ARMC9: variants seen among roughly 807,000 people sequenced by gnomAD.
ARMC9 encodes armadillo repeat containing 9, also known as lisH domain-containing protein ARMC9.
ARMC9 carries 94 observed loss-of-function variants against 107.0 expected under a neutral mutation model. That is an observed-to-expected ratio of 0.88 (90% CI 0.74 to 1.04). ARMC9 has a LOEUF of 1.04. ARMC9 is among the 50% of genes least tolerant of loss of function. The probability of loss-of-function intolerance (pLI) is 0.00; values close to 1 mark genes in which losing one functional copy is unlikely to be tolerated. For missense variants in ARMC9, 942 were observed against 1,030.1 expected, an observed-to-expected ratio of 0.91 and a Z score of 1.17; for synonymous variants, 380 against 396.9, an observed-to-expected ratio of 0.96 and a Z score of 0.51.
intron 6 of ARMC9, among the ~76,000 whole-genome samples, chr2:231,225,898 C>T (rs1352440489): frequency 1.3e-5 from 2 of 152,152 alleles, no homozygotes; most frequent in African/African-American, 4.8e-5. Flanking sequence ...CTCTTGTCAC[C>T]CATGCTGGAG....
At chr2:231,256,720 G>A in intron 10 of ARMC9, 100 bp downstream of exon 10, 1 of 1,298,696 alleles carries the variant, frequency 7.7e-7, no homozygotes, top group South Asian at 1.2e-5. Context: ...CTAGGTTAGA[G>A]GAATGCCTTT....
At chr2:231,324,981 T>A (rs1313097672) in intron 19 of ARMC9, among the ~76,000 whole-genome samples, 2 of 152,078 alleles carry the variant, frequency 1.3e-5, no homozygotes, top group African/African-American at 2.4e-5. Context: ...CCCAGCACTT[T>A]GAGAGTCCGA....
At chr2:231,224,656 G>C (rs998282470) in intron 6 of ARMC9, among the ~76,000 whole-genome samples, 4 of 152,142 alleles carry the variant, frequency 2.6e-5, no homozygotes, top group African/African-American at 9.7e-5. Context: ...AATATAGCAG[G>C]TAACTATAAA....
chr2:231,246,449 T>C (rs1449316302), intron 9 of ARMC9, among the ~76,000 whole-genome samples: 1 of 152,102 alleles, frequency 6.6e-6, no homozygotes, highest in Non-Finnish European at 1.5e-5. Context: ...AGTAAGAGCG[T>C]GTGGTGTTAG....
At chr2:231,240,419 A>G (rs2125372761) in intron 9 of ARMC9, among the ~76,000 whole-genome samples, 1 of 152,318 alleles carries the variant, frequency 6.6e-6, no homozygotes, top group African/African-American at 2.4e-5. Context: ...ACTTGGAATA[A>G]TTGCAAAACT....
At chr2:231,330,434 G>C (rs551062478) in intron 19 of ARMC9, among the ~76,000 whole-genome samples, 1 of 152,092 alleles carries the variant, frequency 6.6e-6, no homozygotes, top group African/African-American at 2.4e-5. Flanking sequence ...AGAGTGCCCC[G>C]TCACTCACTG....
rs763779078 is a variant in ARMC9 at position 231,222,783 on chromosome 2, C to T, written c.560C>T (p.Ser187Phe). The change falls in exon 6 of 25, where the codon TCT (serine) becomes TTT (phenylalanine). Residue 187 changes from serine to phenylalanine, a missense_variant. Coordinates refer to ENST00000611582, the MANE Select transcript of ARMC9 (RefSeq NM_001352754.2). ...LKLIKFLALI[S>F]KASNTPKLLT... is the part of the protein sequence containing the mutation. ...TTGATAAAGTTTCTAGCTTTAATAT[C>T]TAAAGCCAGCAACACGCCAAAGCTT... The T allele has an allele frequency of 1.3e-6, 2 of 1,594,260 alleles. No individual in the cohort carries two copies. Among genetic ancestry groups the T allele is most frequent in the Admixed American group, 1.7e-5 (1 of 59,516 alleles).
chr2:231,247,951 A>G (rs1346737305), intron 9 of ARMC9, among the ~76,000 whole-genome samples: 1 of 152,194 alleles, frequency 6.6e-6, no homozygotes, highest in African/African-American at 2.4e-5. Flanking sequence ...GCACCTTTGT[A>G]TTAATATCTC....
intron 1 of ARMC9, among the ~76,000 whole-genome samples, chr2:231,203,979 A>AAAG: frequency 6.6e-6 from 1 of 151,996 alleles, no homozygotes; most frequent in East Asian, 1.9e-4. Context: ...ACAAACAAAA[A>AAAG]AAAACCTCAC....
At chr2:231,216,288 A>G (rs1026624408) in intron 4 of ARMC9, among the ~76,000 whole-genome samples, 1 of 152,248 alleles carries the variant, frequency 6.6e-6, no homozygotes, top group Non-Finnish European at 1.5e-5. Flanking sequence ...CAATGTGTCT[A>G]GGTAATAATG....
At chr2:231,289,938 A>G (rs1028676100) in intron 17 of ARMC9, among the ~76,000 whole-genome samples, 1 of 152,078 alleles carries the variant, frequency 6.6e-6, no homozygotes, top group South Asian at 2.1e-4. Flanking sequence ...ACGAACCCCT[A>G]CTGGACACAG....
chr2:231,273,149 A>T (rs1333508660), intron 14 of ARMC9, 71 bp downstream of exon 14: 1 of 1,549,008 alleles, frequency 6.5e-7, no homozygotes, highest in Non-Finnish European at 8.7e-7. Context: ...ATGGCAACCC[A>T]GGAGGCAGAT....
At chr2:231,237,436 A>C (rs759496065) in intron 8 of ARMC9, among the ~76,000 whole-genome samples, 3 of 152,152 alleles carry the variant, frequency 2.0e-5, no homozygotes, top group Non-Finnish European at 2.9e-5. Flanking sequence ...TAACAAAAAA[A>C]TGTTGCAGTG....
chr2:231,296,195 TAG>T lies in ARMC9; in HGVS notation c.1718-1_1718del. The T allele has an allele frequency of 6.2e-7, 1 of 1,611,186 alleles. No individual in the cohort carries two copies. Among genetic ancestry groups the T allele is most frequent in the Non-Finnish European group, 8.5e-7 (1 of 1,178,148 alleles). On this transcript the variant is annotated splice_acceptor_variant, in intron 18 of 24. Transcript: ENST00000611582. LOFTEE classifies it high-confidence loss of function. ...TATTCATTGATTCTTTTTTTCTTTATAGAAGAGCTACCAGATGGTGTTCTTGA... is the reference window on the plus strand; with the variant it reads ...TATTCATTGATTCTTTTTTTCTTTATAAGAGCTACCAGATGGTGTTCTTGA...
intron 21 of ARMC9, among the ~76,000 whole-genome samples, chr2:231,347,762 T>A (rs2044873337): frequency 6.6e-6 from 1 of 152,236 alleles, no homozygotes; most frequent in Non-Finnish European, 1.5e-5. Flanking sequence ...TCCAGTTGCC[T>A]GTTGCCACAC....
chr2:231,337,028 C>T (rs943617851), intron 20 of ARMC9, among the ~76,000 whole-genome samples: 18 of 152,278 alleles, frequency 1.2e-4, no homozygotes, highest in African/African-American at 4.3e-4. Context: ...TGGCTTGCAG[C>T]GGGCCCTGAG....
rs562308366 is a variant in ARMC9 at position 231,300,568 on chromosome 2, T to A, written c.1773+4315T>A. ...TCATCTCCTCTTCTTAGCAGCCCTG[T>A]GGTAGGTGCTATTTTTATTCACATT... On this transcript the variant is annotated intron_variant, in intron 19 of 24. Transcript: ENST00000611582. Among the ~76,000 whole-genome samples, 14 of 152,282 alleles carry A rather than the reference T, an allele frequency of 9.2e-5. 1 individual carries two copies. In the East Asian group the frequency reaches 2.7e-3, roughly 29 times the overall value.
At chr2:231,221,025 C>T (rs1341415235) in intron 5 of ARMC9, among the ~76,000 whole-genome samples, 3 of 152,098 alleles carry the variant, frequency 2.0e-5, no homozygotes, top group Non-Finnish European at 4.4e-5. Context: ...GGGTGATTTC[C>T]CTAGGGCTGC....
intron 19 of ARMC9, among the ~76,000 whole-genome samples, chr2:231,313,659 A>G (rs2042485057): frequency 6.6e-6 from 1 of 152,102 alleles, no homozygotes; most frequent in African/African-American, 2.4e-5. Context: ...CCCCACCCCC[A>G]CAAACCCCAG....
Sources: gnomAD v4.1 joint callset for allele counts (sites outside exome capture counted in the v4.1 genomes callset) on GRCh38, gnomAD v4.1.1 for gene constraint, MANE v1.5 for transcripts, NCBI Gene and HGNC (gene_info 2026-07-23, HGNC 2026-07-21) for gene names.